Variants in NINJ2 observed in about 807,000 individuals in gnomAD.
The protein encoded by NINJ2 is ninjurin 2, also known as ninjurin-2.
In NINJ2, 12 loss-of-function variants were observed where a neutral mutation model predicts 11.7. That is an observed-to-expected ratio of 1.02 (90% CI 0.66 to 1.66). NINJ2 has a LOEUF of 1.66. NINJ2 is among the 40% of genes most tolerant of loss of function. The pLI is 0.00. For synonymous variants in NINJ2, 93 were observed against 76.8 expected, an observed-to-expected ratio of 1.21 and a Z score of -1.10; for missense variants, 187 against 181.8, an observed-to-expected ratio of 1.03 and a Z score of -0.16.
chr12:596,371 C>T (rs1297792352), intron 1 of NINJ2, among the ~76,000 whole-genome samples: 1 of 152,072 alleles, frequency 6.6e-6, no homozygotes, highest in Admixed American at 6.5e-5. Context: ...ATAGATGTTG[C>T]GTGATAATGA....
At chr12:620,482 G>C (rs1948139903) in intron 1 of NINJ2, among the ~76,000 whole-genome samples, 1 of 152,232 alleles carries the variant, frequency 6.6e-6, no homozygotes, top group African/African-American at 2.4e-5. Flanking sequence ...GCACAGAGGT[G>C]CTGCTATAAT....
At chr12:638,428 T>C (rs1948377917) in intron 1 of NINJ2, among the ~76,000 whole-genome samples, 1 of 152,054 alleles carries the variant, frequency 6.6e-6, no homozygotes, top group African/African-American at 2.4e-5. Context: ...TTTGTTTGTT[T>C]GTTTTGAGAC....
At chr12:644,672 G>A (rs1251798388) in intron 1 of NINJ2, 1 of 152,156 alleles carries the variant, frequency 6.6e-6, no homozygotes, top group East Asian at 1.9e-4. Context: ...AAGGTCCCAA[G>A]TATTTGAGAC....
intron 1 of NINJ2, among the ~76,000 whole-genome samples, chr12:617,848 T>C (rs1948111616): frequency 2.0e-5 from 3 of 152,264 alleles, no homozygotes; most frequent in East Asian, 3.9e-4. Context: ...TGAAGTCACT[T>C]GTTCTCCAAG....
In NINJ2 at chr12:590,165, T is replaced by C. The variant is rs140237447; in HGVS notation, c.34-23987A>G. ...TATTGCACAGGCTGGTCTGGAATCC[T>C]GGTCCCAAACAAGTGGTCCTCCTGC... On this transcript the variant is annotated intron_variant, in intron 1 of 3. Coordinates refer to ENST00000305108, the MANE Select transcript of NINJ2 (RefSeq NM_016533.6). 4.0e-3 allele frequency among the ~76,000 whole-genome samples: 609 copies of C among 152,306 alleles called. 2 individuals carry two copies. Among genetic ancestry groups the C allele is most frequent in the South Asian group, 0.024 (115 of 4,834 alleles).
chr12:625,804 T>C (rs934733450), intron 1 of NINJ2, among the ~76,000 whole-genome samples: 1 of 152,218 alleles, frequency 6.6e-6, no homozygotes, highest in Non-Finnish European at 1.5e-5. Flanking sequence ...CTTATTAGCA[T>C]AGAGGGAACG....
intron 1 of NINJ2, among the ~76,000 whole-genome samples, chr12:604,142 G>A (rs771874427): frequency 7.2e-5 from 11 of 152,162 alleles, no homozygotes; most frequent in Non-Finnish European, 1.3e-4. Flanking sequence ...TTGAAATTCC[G>A]CACAGTTCTA....
At position 581,917 on chromosome 12, in the gene NINJ2, C is replaced by T. The variant is rs1592076283; in HGVS notation, c.34-15739G>A. On this transcript the variant is annotated intron_variant, in intron 1 of 3. Transcript: ENST00000305108. This position sits in a 1 kb window ranked among gnomAD's most constrained non-coding sequence, Gnocchi z 4.9. ...TCCTGAGAACCAGATTCTCCGCGGA[C>T]GCTGAACACACAAAAAGCCCAGCCC... is the stretch of plus-strand genomic sequence containing the variant. Among the ~76,000 whole-genome samples the T allele has an allele frequency of 6.6e-6, 1 of 152,158 alleles. No individual in the cohort carries two copies. Among genetic ancestry groups the T allele is most frequent in the Non-Finnish European group, 1.5e-5 (1 of 68,020 alleles).
chr12:577,058 C>A (rs1232071766), intron 1 of NINJ2, among the ~76,000 whole-genome samples: 1 of 152,192 alleles, frequency 6.6e-6, no homozygotes, highest in African/African-American at 2.4e-5. Flanking sequence ...TCAGGCATGA[C>A]TCCACAAAGC....
intron 1 of NINJ2, among the ~76,000 whole-genome samples, chr12:620,599 A>T (rs1418440100): frequency 6.6e-6 from 1 of 151,188 alleles, no homozygotes; most frequent in Non-Finnish European, 1.5e-5. Flanking sequence ...ACTTGGAAGG[A>T]TCCAAAAGTG....
At chr12:659,414 G>C (rs1362558673) in intron 1 of NINJ2, among the ~76,000 whole-genome samples, 1 of 152,178 alleles carries the variant, frequency 6.6e-6, no homozygotes, top group Non-Finnish European at 1.5e-5. Flanking sequence ...CTTAAACTCT[G>C]TACTTGGGGG....
intron 1 of NINJ2, among the ~76,000 whole-genome samples, chr12:604,774 A>G (rs1947918321): frequency 6.6e-6 from 1 of 152,164 alleles, no homozygotes; most frequent in Admixed American, 6.5e-5. Flanking sequence ...CAGACCTGAG[A>G]TGGAGGACGG....
At chr12:613,794 A>G (rs935066274) in intron 1 of NINJ2, among the ~76,000 whole-genome samples, 1 of 151,896 alleles carries the variant, frequency 6.6e-6, no homozygotes, top group Non-Finnish European at 1.5e-5. Context: ...AGTCCCAGCT[A>G]CTCAGGAGGC....
intron 1 of NINJ2, among the ~76,000 whole-genome samples, chr12:579,210 G>GA (rs1179984713): frequency 6.6e-6 from 1 of 152,208 alleles, no homozygotes; most frequent in African/African-American, 2.4e-5. Context: ...CTATCGTCCA[G>GA]GTGAGACCTC....
intron 1 of NINJ2, among the ~76,000 whole-genome samples, chr12:641,530 A>C (rs6489689): frequency 0.98 from 149,017 of 152,266 alleles, 72,997 homozygotes; most frequent in East Asian, 1. Context: ...TAGCTCTGAT[A>C]AGACTCTTGT....
intron 1 of NINJ2, among the ~76,000 whole-genome samples, chr12:658,703 ATGCT>A (rs1282104464): frequency 6.4e-5 from 9 of 140,198 alleles, no homozygotes; most frequent in African/African-American, 1.6e-4. Flanking sequence ...ATGCTATGCT[ATGCT>A]ATGCTATGCT....
At position 598,282 on chromosome 12, in the gene NINJ2, G is replaced by A. The variant is rs889034996; in HGVS notation, c.34-32104C>T. On this transcript the variant is annotated intron_variant, in intron 1 of 3. Coordinates refer to ENST00000305108, the MANE Select transcript of NINJ2 (RefSeq NM_016533.6). Reference sequence around the variant, plus strand: ...TTTCACTGACCTCCCCCTGGGCACCGAGGGGGTAAGTGCGGATCTACGTTC... The same window carrying A: ...TTTCACTGACCTCCCCCTGGGCACCAAGGGGGTAAGTGCGGATCTACGTTC... Among the ~76,000 whole-genome samples the A allele has an allele frequency of 6.6e-5, 10 of 152,226 alleles. 1 individual carries two copies. Among genetic ancestry groups the A allele is most frequent in the South Asian group, 2.1e-4 (1 of 4,836 alleles).
chr12:588,203 C>CAGAAGGGAG (rs1947669910), intron 1 of NINJ2, among the ~76,000 whole-genome samples: 2 of 148,946 alleles, frequency 1.3e-5, no homozygotes, highest in African/African-American at 5.1e-5. Context: ...ACGGAGGGGA[C>CAGAAGGGAG]GGAAGGGACG....
At chr12:656,748 CA>C (rs397702753) in intron 1 of NINJ2, among the ~76,000 whole-genome samples, 1,894 of 106,382 alleles carry the variant, frequency 0.018, 26 homozygotes, top group African/African-American at 0.056. Context: ...GACTCTGTCT[CA>C]AAAAAAAAAA....
Sources: allele counts gnomAD v4.1 joint callset (sites outside exome capture counted in the v4.1 genomes callset), GRCh38; gene constraint gnomAD v4.1.1; non-coding constraint Gnocchi (gnomAD v3.1); transcripts MANE v1.5; gene names NCBI Gene and HGNC (gene_info 2026-07-23, HGNC 2026-07-21).